ARHGAP22: variants seen among roughly 807,000 people sequenced by gnomAD.
ARHGAP22 encodes Rho GTPase activating protein 22.
A neutral mutation model predicts 59.1 loss-of-function variants in ARHGAP22; 48 were observed. The ratio of observed to expected loss-of-function variants is 0.81; its 90% CI spans 0.64 to 1.03. The LOEUF is 1.03. Ranked by LOEUF, ARHGAP22 falls within the 50% of genes least tolerant of loss-of-function variation. The probability of loss-of-function intolerance (pLI) is 0.00; values close to 1 mark genes in which losing one functional copy is unlikely to be tolerated. For synonymous variants in ARHGAP22, 445 were observed against 416.4 expected, an observed-to-expected ratio of 1.07 and a Z score of -0.84; for missense variants, 1,015 against 958.7, an observed-to-expected ratio of 1.06 and a Z score of -0.78.
chr10:48,562,046 GAAACCCTGTCTCTATTAAA>G (rs2057721122), intron 2 of ARHGAP22, among the ~76,000 whole-genome samples: 1 of 152,134 alleles, frequency 6.6e-6, no homozygotes, highest in Non-Finnish European at 1.5e-5. Flanking sequence ...CCAATATGGT[GAAACCCTGTCTCTATTAAA>G]AAATACAAAA....
upstream of ARHGAP22, among the ~76,000 whole-genome samples, chr10:48,606,721 C>G (rs184439365): frequency 5.1e-4 from 77 of 152,330 alleles, no homozygotes; most frequent in African/African-American, 1.7e-3. Context: ...GCAGTTCCCT[C>G]TCTCTGGAAT....
At chr10:48,443,770 C>G (rs989783706), downstream of ARHGAP22, 1 of 152,126 alleles carries the variant, frequency 6.6e-6, no homozygotes, top group South Asian at 2.1e-4. Context: ...GGTTCCATTC[C>G]GAAATTCCTT....
intron 1 of ARHGAP22, among the ~76,000 whole-genome samples, chr10:48,616,120 T>G (rs960895604): frequency 6.6e-6 from 1 of 152,208 alleles, no homozygotes; most frequent in African/African-American, 2.4e-5. Flanking sequence ...GTGGCAATGC[T>G]GTGTCAAGTG....
chr10:48,604,762 C>A lies in ARHGAP22; in HGVS notation c.34+1G>T, dbSNP rs763350685. The A allele has an allele frequency of 2.5e-6, 4 of 1,614,004 alleles. No homozygotes were observed. The highest frequency in any genetic ancestry group is 2.5e-6 in the Non-Finnish European group (3 of 1,179,930). On this transcript the variant is annotated splice_donor_variant, in intron 1 of 9. Transcript: ENST00000249601. LOFTEE classifies it high-confidence loss of function. ...GAGAAACCCCAGAAAGTTGGACTTA[C>A]CCCTCCTGGCCTGCCTGATCTTTGG...
intron 2 of ARHGAP22, among the ~76,000 whole-genome samples, chr10:48,582,505 A>T (rs17010841): frequency 0.076 from 11,605 of 152,296 alleles, 483 homozygotes; most frequent in Middle Eastern, 0.11. Flanking sequence ...AATGTGGGTC[A>T]CACAGTGCTG....
At chr10:48,476,003 T>A (rs1313714068) in intron 4 of ARHGAP22, among the ~76,000 whole-genome samples, 3 of 152,174 alleles carry the variant, frequency 2.0e-5, no homozygotes, top group Admixed American at 1.3e-4. Flanking sequence ...TACTCAAAAG[T>A]CACCAAACCC....
chr10:48,600,879 T>A (rs1364937619), intron 1 of ARHGAP22, among the ~76,000 whole-genome samples: 1 of 152,202 alleles, frequency 6.6e-6, no homozygotes, highest in Non-Finnish European at 1.5e-5. Flanking sequence ...GCTGGGTGAT[T>A]CCCTTTGGTC....
chr10:48,493,569 A>G (rs1432694337), intron 3 of ARHGAP22: 1 of 1,514,120 alleles, frequency 6.6e-7, no homozygotes, highest in African/African-American at 1.4e-5. Flanking sequence ...CACCAGGTGC[A>G]CGAGGCACTC....
At chr10:48,495,462 C>G (rs2050823058) in intron 3 of ARHGAP22, among the ~76,000 whole-genome samples, 2 of 152,164 alleles carry the variant, frequency 1.3e-5, no homozygotes, top group Non-Finnish European at 2.9e-5. Context: ...TGTATCTTCC[C>G]AACTGCCCCC....
chr10:48,432,198 A>C, the ARHGAP22 span, among the ~76,000 whole-genome samples: 1 of 152,196 alleles, frequency 6.6e-6, no homozygotes, highest in Non-Finnish European at 1.5e-5. Flanking sequence ...TTTTGAAGTA[A>C]AACTATGCCA....
At chr10:48,632,168 G>A (rs554581743) in intron 1 of ARHGAP22, among the ~76,000 whole-genome samples, 52 of 152,136 alleles carry the variant, frequency 3.4e-4, no homozygotes, top group Non-Finnish European at 5.6e-4. Context: ...TAATTCTTAC[G>A]CCTTTGCATC....
intron 3 of ARHGAP22, among the ~76,000 whole-genome samples, chr10:48,489,820 G>A (rs955033100): frequency 2.1e-5 from 3 of 145,192 alleles, no homozygotes; most frequent in East Asian, 2.1e-4. Context: ...TGCAAGCTCC[G>A]CCTCCTAGGT....
chr10:48,576,649 G>A (rs1464310463), intron 2 of ARHGAP22, among the ~76,000 whole-genome samples: 1 of 151,818 alleles, frequency 6.6e-6, no homozygotes, highest in Non-Finnish European at 1.5e-5. Context: ...CTTGCACATA[G>A]TTTGAAGAAT....
intron 3 of ARHGAP22, among the ~76,000 whole-genome samples, chr10:48,543,800 T>C (rs937065645): frequency 2.6e-5 from 4 of 152,044 alleles, no homozygotes; most frequent in African/African-American, 4.8e-5. Flanking sequence ...AGCTTGTTTG[T>C]CTATGACAGA....
At chr10:48,433,650 C>T in the ARHGAP22 span, among the ~76,000 whole-genome samples, 2 of 152,156 alleles carry the variant, frequency 1.3e-5, no homozygotes, top group African/African-American at 4.8e-5. Context: ...GTATCCCAGT[C>T]CCCTCCCTAA....
At chr10:48,442,214 A>C (rs1174142515), downstream of ARHGAP22, among the ~76,000 whole-genome samples, 1 of 152,136 alleles carries the variant, frequency 6.6e-6, no homozygotes, top group African/African-American at 2.4e-5. Flanking sequence ...CAAGTGCCTC[A>C]ACTCTGGGGC....
rs150697801 is a variant in ARHGAP22 at position 48,651,412 on chromosome 10, A to C, written c.52+822T>G. ...CACAACCCATCCAATCATCACCTGC[A>C]TAGTCCACCCAGCCAGCACCTGCAC... On this transcript the variant is annotated intron_variant, in intron 1 of 9. Coordinates refer to the ARHGAP22 transcript ENST00000435790. Among the ~76,000 whole-genome samples, 53 of 152,132 alleles carry C rather than the reference A, an allele frequency of 3.5e-4. 1 individual carries two copies. The East Asian group carries it at 9.8e-3, about 28-fold the overall frequency.
chr10:48,654,825 T>TCTTTCTTTCTTCCTTCCTTCCTTC (rs1386352699), upstream of ARHGAP22, among the ~76,000 whole-genome samples: 3 of 62,450 alleles, frequency 4.8e-5, no homozygotes, highest in African/African-American at 1.4e-4. Flanking sequence ...TTTCTTTCTT[T>TCTTTCTTTCTTCCTTCCTTCCTTC]CTTCCTTCCT....
At chr10:48,644,494 A>T (rs1048127300) in intron 1 of ARHGAP22, among the ~76,000 whole-genome samples, 3 of 152,258 alleles carry the variant, frequency 2.0e-5, no homozygotes, top group African/African-American at 7.2e-5. Context: ...ATTTTCAAGT[A>T]CATTTAGAAT....
Sources: allele counts gnomAD v4.1 joint callset (sites outside exome capture counted in the v4.1 genomes callset), GRCh38; gene constraint gnomAD v4.1.1; transcripts MANE v1.5; gene names NCBI Gene and HGNC (gene_info 2026-07-23, HGNC 2026-07-21).